The following TAC3 variants were observed in gnomAD, a reference collection of about 807,000 sequenced individuals.
The protein encoded by TAC3 is tachykinin-3.
TAC3 carries 9 observed loss-of-function variants against 16.5 expected under a neutral mutation model. The observed-to-expected ratio is 0.55, with a 90% CI of 0.33 to 0.95. The LOEUF is 0.95. Ranked by LOEUF, TAC3 falls within the 40% of genes least tolerant of loss-of-function variation. The probability of loss-of-function intolerance (pLI) is 0.03; values close to 1 mark genes in which losing one functional copy is unlikely to be tolerated. For synonymous variants in TAC3, 52 were observed against 56.7 expected (o/e 0.92, Z 0.37); for missense variants, 129 against 149.1 (o/e 0.87, Z 0.70).
At position 57,013,692 on chromosome 12, in the gene TAC3, G is replaced by T. The variant is rs372038509; in HGVS notation, c.115-21C>A. ...TCCCTCTAGGGAAGAAACAAAGAGGGGTGAGGCAGGAGGCTCCCACCCGGA... is the reference window on the plus strand; with the variant it reads ...TCCCTCTAGGGAAGAAACAAAGAGGTGTGAGGCAGGAGGCTCCCACCCGGA... On this transcript the variant is annotated intron_variant, in intron 2 of 6. Coordinates refer to ENST00000458521, the MANE Select transcript of TAC3 (RefSeq NM_013251.4). 4.6e-5 allele frequency: 73 copies of T among 1,597,138 alleles called. No individual in the cohort carries two copies. The African/African-American group carries it at 9.1e-4, about 20-fold the overall frequency.
At position 57,013,571 on chromosome 12, in the gene TAC3, C is replaced by G. The variant is rs1284465113; in HGVS notation, c.208+7G>C. The G allele has an allele frequency of 3.1e-6, 5 of 1,612,972 alleles. No individual in the cohort carries two copies. The highest frequency in any genetic ancestry group is 4.2e-6 in the Non-Finnish European group (5 of 1,179,736). ...TCATTCCCCTCTCCCCTAGGGCCGC[C>G]TCCTACCTGTGCTAGCCTGGCTCAG... is the stretch of plus-strand genomic sequence containing the variant. On this transcript the variant is annotated splice_region_variant and intron_variant, in intron 3 of 6. Transcript: ENST00000458521.
At chr12:57,014,334 G>T (rs1956344289) in intron 2 of TAC3, among the ~76,000 whole-genome samples, 1 of 152,014 alleles carries the variant, frequency 6.6e-6, no homozygotes, top group East Asian at 1.9e-4. Context: ...CATGGCTGGA[G>T]ATTTTCATCT....
At position 57,010,216 on chromosome 12, in the gene TAC3, A is replaced by T. The variant is rs1956279346; in HGVS notation, c.*74T>A. On this transcript the variant is annotated 3_prime_UTR_variant, in exon 7 of 7. Transcript: ENST00000458521. ...AACAGGGAAGAGAAAGGGTAACAGG[A>T]GCGTGCGCACCTGGGGATTGGGACA... The T allele has an allele frequency of 2.2e-6, 1 of 454,000 alleles. No homozygotes were observed. The highest frequency in any genetic ancestry group is 1.6e-5 in the South Asian group (1 of 64,474). The allele number at this position is 454,000 out of a possible 1,614,324, so 28.1% of individuals were successfully genotyped here. A position where few individuals can be genotyped will look rare whatever the true frequency, so the allele number is the denominator to read the frequency against.
Position 57,012,894 on chromosome 12 carries a change from A to T in TAC3, c.239-19T>A. ...ATGTCACCTGCAGAAAAGGGCCAAC[A>T]TTGTCAGCAGTGATGATGAGAAAGT... On this transcript the variant is annotated intron_variant, in intron 4 of 6. Transcript: ENST00000458521. 1 of 1,614,078 alleles carries T rather than the reference A, an allele frequency of 6.2e-7. No individual in the cohort carries two copies. Among genetic ancestry groups the T allele is most frequent in the Non-Finnish European group, 8.5e-7 (1 of 1,179,978 alleles).
chr12:57,013,621 T>C lies in TAC3; in HGVS notation c.165A>G (p.Ser55=), dbSNP rs1323564888. The C allele has an allele frequency of 1.9e-6, 3 of 1,613,702 alleles. No individual in the cohort carries two copies. Among genetic ancestry groups the C allele is most frequent in the Non-Finnish European group, 2.5e-6 (3 of 1,179,970 alleles). Residue 55 remains serine (S), a synonymous_variant, in exon 3 of 7, where the codon TCA becomes TCG. Transcript: ENST00000458521. ...QLLQRLFKSH[S]SLEGLLKALS... ...GGGCTTTGAGCAATCCCTCCAGAGATGAGTGGCTTTTGAAGAGTCTCTGGA... is the reference window on the plus strand; with the variant it reads ...GGGCTTTGAGCAATCCCTCCAGAGACGAGTGGCTTTTGAAGAGTCTCTGGA...
intron 4 of TAC3, 143 bp downstream of exon 4, chr12:57,013,216 C>T: frequency 9.0e-7 from 1 of 1,110,558 alleles, no homozygotes; most frequent in Non-Finnish European, 1.4e-6. Context: ...CTCTCCCTTT[C>T]AGGAAAGGTT....
chr12:57,012,487 C>A, intron 5 of TAC3, 35 bp from the exon 6 acceptor site: 1 of 1,612,740 alleles, frequency 6.2e-7, no homozygotes, highest in Non-Finnish European at 8.5e-7. Context: ...TAAGAGGGAT[C>A]TTTCTGAATG....
At position 57,013,188 on chromosome 12, in the gene TAC3, C is replaced by T. The variant is rs557459493; in HGVS notation, c.238+171G>A. 92 of 868,504 alleles carry T rather than the reference C, an allele frequency of 1.1e-4. 2 individuals carry two copies. In the East Asian group the frequency reaches 1.2e-3, roughly 11 times the overall value. The allele number at this position is 868,504 out of a possible 1,614,324, so 53.8% of individuals were successfully genotyped here. On this transcript the variant is annotated intron_variant, in intron 4 of 6. Transcript: ENST00000458521. ...CCACCATGCCCCTCACACCAGCTTC[C>T]TCCTAGTTCTGGATGGCCTCTCCCT...
intron 4 of TAC3, chr12:57,013,111 G>C: frequency 1.4e-6 from 1 of 723,302 alleles, no homozygotes. Flanking sequence ...GAATTTTCAG[G>C]GCCACGAAGA....
chr12:57,012,612 C>T (rs1324393159), intron 5 of TAC3, 160 bp from the exon 6 acceptor site: 2 of 1,612,758 alleles, frequency 1.2e-6, no homozygotes, highest in East Asian at 2.2e-5. Context: ...CCAGCTGCAA[C>T]AGGACTACCT....
intron 5 of TAC3, 127 bp downstream of exon 5, chr12:57,012,695 C>T (rs1956318232): frequency 1.9e-5 from 30 of 1,612,806 alleles, no homozygotes; most frequent in Non-Finnish European, 2.4e-5. Context: ...ATGAAGGGGC[C>T]GAGGAACCCT....
In TAC3 at chr12:57,015,802, C is replaced by A. The variant is rs1399304553; in HGVS notation, c.-5G>T. On this transcript the variant is annotated splice_region_variant and 5_prime_UTR_variant, in exon 2 of 7. Transcript: ENST00000458521. ...GAATAGCAGCATGATCCTCATGGTGCCTGGGAGAGCAAAGGGACAGGACTC... is the reference window on the plus strand; with the variant it reads ...GAATAGCAGCATGATCCTCATGGTGACTGGGAGAGCAAAGGGACAGGACTC... 1 of 1,612,862 alleles carries A rather than the reference C, an allele frequency of 6.2e-7. No individual in the cohort carries two copies. The highest frequency in any genetic ancestry group is 1.3e-5 in the African/African-American group (1 of 74,990).
intron 2 of TAC3, 46 bp downstream of exon 2, chr12:57,015,638 C>A: frequency 1.3e-6 from 2 of 1,564,892 alleles, no homozygotes; most frequent in South Asian, 1.1e-5. Flanking sequence ...CAGGCAGAGT[C>A]CCAAGTTCCC....
chr12:57,013,777 C>A (rs1019084048), intron 2 of TAC3, 106 bp from the exon 3 acceptor site: 16 of 954,114 alleles, frequency 1.7e-5, no homozygotes. Flanking sequence ...GAATCCGACA[C>A]CCTATTTCTT....
At chr12:57,011,079 G>C (rs1956291240) in intron 6 of TAC3, among the ~76,000 whole-genome samples, 1 of 152,180 alleles carries the variant, frequency 6.6e-6, no homozygotes, top group South Asian at 2.1e-4. Flanking sequence ...GCCGTCGGCA[G>C]GACTGAAATA....
intron 2 of TAC3, among the ~76,000 whole-genome samples, chr12:57,015,285 G>A (rs1330257645): frequency 6.6e-6 from 1 of 152,170 alleles, no homozygotes; most frequent in Non-Finnish European, 1.5e-5. Flanking sequence ...AACCATTTGG[G>A]AAAGAAATTC....
Position 57,016,447 on chromosome 12 carries a change from A to C in TAC3, c.-66T>G, listed in dbSNP as rs1266599088. On this transcript the variant is annotated 5_prime_UTR_variant, in exon 1 of 7. Transcript: ENST00000458521. Reference sequence around the variant, plus strand: ...TGGCAGGATCAAGGAACTGGCTAGGACCGCTGCCTGCTCCCCTCACACACT... The same window carrying C: ...TGGCAGGATCAAGGAACTGGCTAGGCCCGCTGCCTGCTCCCCTCACACACT... 3 of 454,358 alleles carry C rather than the reference A, an allele frequency of 6.6e-6. No individual in the cohort carries two copies. The Admixed American group carries it at 7.1e-5, about 11-fold the overall frequency. The allele number at this position is 454,358 out of a possible 1,614,324, so 28.1% of individuals were successfully genotyped here. A position where few individuals can be genotyped will look rare whatever the true frequency, so the allele number is the denominator to read the frequency against.
At chr12:57,013,476 C>T in intron 3 of TAC3, 88 bp from the exon 4 acceptor site, 6 of 1,593,434 alleles carry the variant, frequency 3.8e-6, no homozygotes, top group Non-Finnish European at 5.2e-6. Flanking sequence ...CACCGATTCA[C>T]TAAGCTATCC....
chr12:57,012,561 TG>T, intron 5 of TAC3, 109 bp from the exon 6 acceptor site: 1 of 1,602,814 alleles, frequency 6.2e-7, no homozygotes, highest in Non-Finnish European at 8.5e-7. Flanking sequence ...AAGACAGAGT[TG>T]GGAGACTGGG....
Sources: allele counts gnomAD v4.1 joint callset (sites outside exome capture counted in the v4.1 genomes callset), GRCh38; gene constraint gnomAD v4.1.1; transcripts MANE v1.5; gene names NCBI Gene and HGNC (gene_info 2026-07-23, HGNC 2026-07-21).